The following CHD1 variants were observed in gnomAD, a reference collection of about 807,000 sequenced individuals.
CHD1 encodes ATP-dependent chromatin remodeler CHD1.
A neutral mutation model predicts 224.2 loss-of-function variants in CHD1; 36 were observed. That is an observed-to-expected ratio of 0.16 (90% CI 0.12 to 0.21). The LOEUF is 0.21. Among genes scored for constraint, CHD1 ranks in the 10% least tolerant of loss-of-function variants. The pLI is 1.00. For missense variants in CHD1, 1,378 were observed against 1,994.8 expected (o/e 0.69, Z 5.89); for synonymous variants, 668 against 658.3 (o/e 1.01, Z -0.23).
At position 98,876,573 on chromosome 5, in the gene CHD1, T is replaced by C. The variant is rs1230596405; in HGVS notation, c.3238-15A>G. The C allele has an allele frequency of 6.2e-7, 1 of 1,610,706 alleles. No homozygotes were observed. Among genetic ancestry groups the C allele is most frequent in the Non-Finnish European group, 8.5e-7 (1 of 1,177,654 alleles). On this transcript the variant is annotated splice_polypyrimidine_tract_variant and intron_variant, in intron 23 of 35. Transcript: ENST00000614616. ...TTGAAACTAATCTGGAATTGGAAAA[T>C]ATTTACCCAACCTTAGTGTAAAAAC...
At chr5:98,873,452 C>T in intron 26 of CHD1, 141 bp downstream of exon 26, 2 of 605,632 alleles carry the variant, frequency 3.3e-6, no homozygotes, top group African/African-American at 3.9e-5. Context: ...TTCCTATTAC[C>T]CAGAATAGCT....
chr5:98,854,219 GTACA>G lies in CHD1; in HGVS notation c.*2157_*2160del, dbSNP rs1747870336. On this transcript the variant is annotated 3_prime_UTR_variant, in exon 36 of 36. Coordinates refer to ENST00000614616, the MANE Select transcript of CHD1 (RefSeq NM_001270.4). ...GAACATATTTTATCATTTGATAAAT[GTACA>G]TACAGTTCTATATTTTTCATTCAAC... 6.6e-6 allele frequency: 1 copy of G among 151,914 alleles called. No homozygotes were observed. The allele number at this position is 151,914 out of a possible 1,614,324, so 9.4% of individuals were successfully genotyped here. A position where few individuals can be genotyped will look rare whatever the true frequency, so the allele number is the denominator to read the frequency against.
At chr5:98,896,512 G>T in intron 11 of CHD1, 70 bp from the exon 12 acceptor site, 1 of 1,024,226 alleles carries the variant, frequency 9.8e-7, no homozygotes, top group Non-Finnish European at 1.5e-6. Context: ...TTTACATCAT[G>T]TGTATATGTT....
intron 7 of CHD1, among the ~76,000 whole-genome samples, chr5:98,900,553 C>T (rs1183185337): frequency 4.0e-5 from 6 of 151,476 alleles, no homozygotes; most frequent in Admixed American, 6.6e-5. Flanking sequence ...AATTCCCTTG[C>T]CTCGGCTTCC....
At chr5:98,881,530 G>A (rs2112395717) in intron 20 of CHD1, among the ~76,000 whole-genome samples, 155 bp from the exon 21 acceptor site, 1 of 146,618 alleles carries the variant, frequency 6.8e-6, no homozygotes, top group East Asian at 2.0e-4. Flanking sequence ...TTTTTTTGGA[G>A]ACAGTGTCTC....
intron 3 of CHD1, among the ~76,000 whole-genome samples, chr5:98,904,140 A>G (rs565724441): frequency 6.6e-6 from 1 of 152,322 alleles, no homozygotes; most frequent in East Asian, 1.9e-4. Flanking sequence ...ATTAATCAAT[A>G]TCCTCTTGAT....
chr5:98,904,891 G>T lies in CHD1; in HGVS notation c.255+6C>A. 2 of 1,613,300 alleles carry T rather than the reference G, an allele frequency of 1.2e-6. No homozygotes were observed. Among genetic ancestry groups the T allele is most frequent in the South Asian group, 2.2e-5 (2 of 91,036 alleles). On this transcript the variant is annotated splice_donor_region_variant and intron_variant, in intron 3 of 35. Transcript: ENST00000614616. The stretch of plus-strand genomic sequence containing the variant: ...TCTACCTTTCATTGGGTATTTTATT[G>T]ATTACCTCAGCTCCATCAACTTTCG...
rs1751498381 is a variant in CHD1 at position 98,898,656 on chromosome 5, T to C, written c.1186+8A>G. On this transcript the variant is annotated splice_region_variant and intron_variant, in intron 9 of 35. Coordinates refer to ENST00000614616, the MANE Select transcript of CHD1 (RefSeq NM_001270.4). ...AAGAAAGTTTAACTAGAATCATTTA[T>C]CACTAACCAATTATACGTTCCACTA... 6.8e-7 allele frequency: 1 copy of C among 1,466,438 alleles called. No individual in the cohort carries two copies. The highest frequency in any genetic ancestry group is 1.2e-5 in the South Asian group (1 of 83,224). The allele number at this position is 1,466,438 out of a possible 1,614,324, so 90.8% of individuals were successfully genotyped here.
intron 30 of CHD1, 134 bp downstream of exon 30, chr5:98,869,620 G>GCGCACACACACACACA (rs1580373652): frequency 4.0e-6 from 3 of 754,062 alleles, no homozygotes; most frequent in Non-Finnish European, 6.1e-6. Flanking sequence ...GCACGTGCGC[G>GCGCACACACACACACA]CGCACACACA....
intron 2 of CHD1, among the ~76,000 whole-genome samples, chr5:98,922,933 G>A (rs901578218): frequency 2.0e-5 from 3 of 152,086 alleles, no homozygotes; most frequent in Non-Finnish European, 4.4e-5. Flanking sequence ...AGGATGCAGT[G>A]AGCCGAGGTC....
At chr5:98,910,256 G>T (rs952254679) in intron 2 of CHD1, among the ~76,000 whole-genome samples, 2 of 152,132 alleles carry the variant, frequency 1.3e-5, no homozygotes, top group South Asian at 4.1e-4. Context: ...CTATTTATTT[G>T]CTTTATTTCA....
At chr5:98,865,946 A>G (rs987378490) in intron 31 of CHD1, among the ~76,000 whole-genome samples, 2 of 85,388 alleles carry the variant, frequency 2.3e-5, no homozygotes, top group African/African-American at 2.8e-4. Flanking sequence ...TTAAAAAAGA[A>G]ATGTGGGGGG....
At position 98,916,408 on chromosome 5, in the gene CHD1, G is replaced by A. The variant is rs1033489422; in HGVS notation, c.53+9926C>T. Reference sequence around the variant, plus strand: ...TAAAAATACAAAATTAGCCAGGTGTGGTAGTGCATGCCTGTAGTCCCAGCA... The same window carrying A: ...TAAAAATACAAAATTAGCCAGGTGTAGTAGTGCATGCCTGTAGTCCCAGCA... On this transcript the variant is annotated intron_variant, in intron 2 of 35. Transcript: ENST00000614616. Among the ~76,000 whole-genome samples, 3 of 151,510 alleles carry A rather than the reference G, an allele frequency of 2.0e-5. No homozygotes were observed. The South Asian group carries it at 6.3e-4, about 32-fold the overall frequency.
At chr5:98,858,943 C>A in intron 34 of CHD1, 21 bp downstream of exon 34, 4 of 1,467,636 alleles carry the variant, frequency 2.7e-6, no homozygotes, top group Non-Finnish European at 3.6e-6. Flanking sequence ...TTTATTTTCC[C>A]AATCAGTAAG....
In CHD1 at chr5:98,903,879, G is replaced by A. The variant is rs372251605; in HGVS notation, c.285C>T (p.Ala95=). Residue 95 remains alanine (A), a synonymous_variant, in exon 4 of 36, where the codon GCC becomes GCT. Transcript: ENST00000614616. ...EFWKSSPSIL[A]VQRSAILKKQ... ...TCTTGAGGATTGCAGATCTCTGAAC[G>A]GCCAGAATACTAGGACTAGATTTCC... 15 of 1,610,032 alleles carry A rather than the reference G, an allele frequency of 9.3e-6. No homozygotes were observed. The highest frequency in any genetic ancestry group is 1.7e-4 in the Middle Eastern group (1 of 6,056).
rs755588248 is a variant in CHD1 at position 98,901,001 on chromosome 5, T to G, written c.669A>C (p.Glu223Asp). The change falls in exon 7 of 36, where the codon GAA becomes GAC. Residue 223 changes from glutamate to aspartate, a missense_variant. Coordinates refer to ENST00000614616, the MANE Select transcript of CHD1 (RefSeq NM_001270.4). ...AACTTCTTTTATCATTATCATAATC[T>G]TCTTCATCATCATCCTCCTCAGATG... ...IDSSEEDDDE[E>D]DYDNDKRSSR... 7.4e-6 allele frequency: 12 copies of G among 1,613,628 alleles called. No homozygotes were observed. The highest frequency in any genetic ancestry group is 9.3e-6 in the Non-Finnish European group (11 of 1,179,684).
chr5:98,926,979 T>C (rs1465581615), intron 1 of CHD1, among the ~76,000 whole-genome samples: 2 of 150,916 alleles, frequency 1.3e-5, no homozygotes, highest in African/African-American at 4.9e-5. Context: ...ACCAAGAACT[T>C]CATACACTTG....
chr5:98,913,952 T>C (rs2112602347), intron 2 of CHD1, among the ~76,000 whole-genome samples: 1 of 152,268 alleles, frequency 6.6e-6, no homozygotes, highest in African/African-American at 2.4e-5. Context: ...CCTTAATGTT[T>C]GTGGCAGAAA....
At chr5:98,915,548 A>G (rs1392871961) in intron 2 of CHD1, among the ~76,000 whole-genome samples, 1 of 152,234 alleles carries the variant, frequency 6.6e-6, no homozygotes, top group Non-Finnish European at 1.5e-5. Context: ...ATACACTGAA[A>G]AGTCACTGAA....
Sources: allele counts gnomAD v4.1 joint callset (sites outside exome capture counted in the v4.1 genomes callset), GRCh38; gene constraint gnomAD v4.1.1; transcripts MANE v1.5; gene names NCBI Gene and HGNC (gene_info 2026-07-23, HGNC 2026-07-21).